The following AKAP6 variants were observed in gnomAD, a reference collection of about 807,000 sequenced individuals.
AKAP6 encodes A-kinase anchoring protein 6.
In AKAP6, 58 loss-of-function variants were observed where a neutral mutation model predicts 188.5. That is an observed-to-expected ratio of 0.31 (90% CI 0.25 to 0.38). The LOEUF (loss-of-function observed/expected upper bound fraction) is 0.38, where lower values mean the gene tolerates loss of function less well. Among genes scored for constraint, AKAP6 ranks in the 10% least tolerant of loss-of-function variants. The pLI is 1.00. For missense variants in AKAP6, 2,710 were observed against 2,740.0 expected, an observed-to-expected ratio of 0.99 and a Z score of 0.24; for synonymous variants, 989 against 998.6, an observed-to-expected ratio of 0.99 and a Z score of 0.18.
At chr14:32,697,262 A>G (rs1436323402) in intron 9 of AKAP6, among the ~76,000 whole-genome samples, 2 of 152,162 alleles carry the variant, frequency 1.3e-5, no homozygotes, top group African/African-American at 4.8e-5. Context: ...ATCTCAGTTA[A>G]GAGAAGATAT....
At chr14:32,559,374 T>A (rs1204089249) in intron 4 of AKAP6, among the ~76,000 whole-genome samples, 1 of 152,210 alleles carries the variant, frequency 6.6e-6, no homozygotes, top group African/African-American at 2.4e-5. Context: ...TTTGGAATTT[T>A]TAAAAAGAAG....
chr14:32,454,634 TC>T lies in AKAP6; in HGVS notation c.324+20820del, dbSNP rs1436474307. Among the ~76,000 whole-genome samples, 532 of 141,312 alleles carry T rather than the reference TC, an allele frequency of 3.8e-3. 111 individuals are homozygous for T. The highest frequency in any genetic ancestry group is 0.013 in the African/African-American group (477 of 35,342). 92.7% of individuals were successfully genotyped at this position (141,312 alleles called of 152,430 possible). On this transcript the variant is annotated intron_variant, in intron 2 of 13. Coordinates refer to ENST00000280979, the MANE Select transcript of AKAP6 (RefSeq NM_004274.5). ...GAAAACTTGACCTTCCTTCCTTCCTTCCCTCCCTCCCTCCTTCCCTCTCTCC... is the reference window on the plus strand; with the variant it reads ...GAAAACTTGACCTTCCTTCCTTCCTTCCTCCCTCCCTCCTTCCCTCTCTCC...
At chr14:32,643,825 G>C (rs1887868176) in intron 7 of AKAP6, among the ~76,000 whole-genome samples, 1 of 152,106 alleles carries the variant, frequency 6.6e-6, no homozygotes, top group Admixed American at 6.5e-5. Context: ...TTGATACTTA[G>C]TCTTGATTCT....
At chr14:32,828,519 TCTCTCTCTCTCACACACACACACA>T (rs1476018339) in intron 13 of AKAP6, among the ~76,000 whole-genome samples, 700 of 34,264 alleles carry the variant, frequency 0.02, 2 homozygotes, top group African/African-American at 0.04. Flanking sequence ...TCTCTCTCTC[TCTCTCTCTCTCACACACACACACA>T]CACACACACA....
chr14:32,346,531 C>T (rs9322890), intron 1 of AKAP6, among the ~76,000 whole-genome samples: 27,214 of 152,070 alleles, frequency 0.18, 2,547 homozygotes, highest in East Asian at 0.37. Context: ...TTTTTTGAGA[C>T]GAAGTCTCGC....
At chr14:32,439,269 A>G (rs1318760026) in intron 2 of AKAP6, among the ~76,000 whole-genome samples, 3 of 152,188 alleles carry the variant, frequency 2.0e-5, no homozygotes, top group African/African-American at 7.2e-5. Context: ...TCCTCTCCAC[A>G]GCTGGGATTT....
chr14:32,701,968 T>C (rs1246029008), intron 9 of AKAP6, among the ~76,000 whole-genome samples: 2 of 152,164 alleles, frequency 1.3e-5, no homozygotes, highest in Non-Finnish European at 2.9e-5. Flanking sequence ...AAAAATTAAA[T>C]TCTGTTAATT....
At chr14:32,513,391 A>G (rs561327623) in intron 2 of AKAP6, among the ~76,000 whole-genome samples, 153 of 152,280 alleles carry the variant, frequency 1.0e-3, no homozygotes, top group Non-Finnish European at 2.9e-5. Flanking sequence ...AATCCTAGTA[A>G]CCAGAATTAA....
intron 1 of AKAP6, among the ~76,000 whole-genome samples, chr14:32,389,550 A>T (rs1594568412): frequency 6.6e-6 from 1 of 151,964 alleles, no homozygotes; most frequent in East Asian, 1.9e-4. Context: ...GTATTGGTGA[A>T]TTCTCTCAGC....
At chr14:32,361,374 T>A (rs1352376524) in intron 1 of AKAP6, among the ~76,000 whole-genome samples, 3 of 151,928 alleles carry the variant, frequency 2.0e-5, no homozygotes, top group Non-Finnish European at 2.9e-5. Flanking sequence ...GGGTTCCAGG[T>A]AGGATGAAGA....
chr14:32,574,129 A>G (rs1283366107), intron 4 of AKAP6, among the ~76,000 whole-genome samples: 1 of 152,212 alleles, frequency 6.6e-6, no homozygotes, highest in Admixed American at 6.5e-5. Flanking sequence ...ATCTCCCTAA[A>G]GGGACGGGGT....
intron 1 of AKAP6, among the ~76,000 whole-genome samples, chr14:32,342,915 T>C (rs1009033713): frequency 6.6e-6 from 1 of 152,228 alleles, no homozygotes; most frequent in East Asian, 1.9e-4. Context: ...AATTATCATT[T>C]GTCTTTGGAA....
At chr14:32,803,295 A>C (rs1390062337) in intron 12 of AKAP6, among the ~76,000 whole-genome samples, 1 of 151,526 alleles carries the variant, frequency 6.6e-6, no homozygotes, top group Non-Finnish European at 1.5e-5. Flanking sequence ...AAAAAAACAA[A>C]ACAAATATTT....
intron 9 of AKAP6, among the ~76,000 whole-genome samples, chr14:32,709,315 A>ATTT (rs35211792): frequency 6.7e-6 from 1 of 148,732 alleles, no homozygotes. Context: ...GAGCACAACG[A>ATTT]TTTTTTTTTT....
intron 8 of AKAP6, among the ~76,000 whole-genome samples, chr14:32,694,092 T>C (rs1372970624): frequency 6.6e-6 from 1 of 151,906 alleles, no homozygotes; most frequent in Non-Finnish European, 1.5e-5. Context: ...CCAGGCGCGG[T>C]GGCTCATGCC....
chr14:32,360,203 T>C (rs571689744), intron 1 of AKAP6, among the ~76,000 whole-genome samples: 1 of 151,876 alleles, frequency 6.6e-6, no homozygotes, highest in East Asian at 1.9e-4. Flanking sequence ...TCTTGGCTCA[T>C]TGCAACCTCC....
intron 2 of AKAP6, among the ~76,000 whole-genome samples, chr14:32,487,625 T>G (rs1316500313): frequency 1.3e-5 from 2 of 152,246 alleles, no homozygotes; most frequent in Non-Finnish European, 2.9e-5. Flanking sequence ...AGAGACATTC[T>G]GGTTTTTGGA....
intron 2 of AKAP6, among the ~76,000 whole-genome samples, chr14:32,451,398 T>G (rs1890930382): frequency 6.6e-6 from 1 of 152,216 alleles, no homozygotes. Context: ...TCTGCAGAGT[T>G]TGCACAAAAG....
intron 2 of AKAP6, 191 bp downstream of exon 2, chr14:32,434,008 T>G: frequency 1.7e-6 from 1 of 594,980 alleles, no homozygotes; most frequent in East Asian, 2.9e-5. Flanking sequence ...ATGTGCTGAT[T>G]ATCTAGAATA....
Sources: gnomAD v4.1 joint callset for allele counts (sites outside exome capture counted in the v4.1 genomes callset) on GRCh38, gnomAD v4.1.1 for gene constraint, MANE v1.5 for transcripts, NCBI Gene and HGNC (gene_info 2026-07-23, HGNC 2026-07-21) for gene names.